Variants in TMEM202 observed in about 807,000 individuals in gnomAD.
TMEM202 encodes transmembrane protein 202.
TMEM202 carries 25 observed loss-of-function variants against 26.1 expected under a neutral mutation model. The observed-to-expected ratio is 0.96, with a 90% confidence interval of 0.70 to 1.34. The LOEUF is 1.34. Among genes scored for constraint, TMEM202 ranks in the 40% most tolerant of loss-of-function variants. The pLI is 0.00. For missense variants in TMEM202, 301 were observed against 327.7 expected, an observed-to-expected ratio of 0.92 and a Z score of 0.63; for synonymous variants, 122 against 119.0, an observed-to-expected ratio of 1.02 and a Z score of -0.16.
In TMEM202 at chr15:72,408,080, C is replaced by T; in HGVS notation, c.*187C>T. 1.8e-6 allele frequency: 1 copy of T among 570,634 alleles called. No individual in the cohort carries two copies. Among genetic ancestry groups the T allele is most frequent in the South Asian group, 2.3e-5 (1 of 43,820 alleles). The allele number at this position is 570,634 out of a possible 1,614,324, so 35.3% of individuals were successfully genotyped here. A position where few individuals can be genotyped will look rare whatever the true frequency, so the allele number is the denominator to read the frequency against. On this transcript the variant is annotated 3_prime_UTR_variant, in exon 5 of 5. Coordinates refer to ENST00000341689, the MANE Select transcript of TMEM202 (RefSeq NM_001080462.3). ...TATATGATAGTCATAAAGTAAATAACTCACTTAAGAAAAACATTTCTAAAA... is the reference window on the plus strand; with the variant it reads ...TATATGATAGTCATAAAGTAAATAATTCACTTAAGAAAAACATTTCTAAAA...
intron 2 of TMEM202, among the ~76,000 whole-genome samples, chr15:72,402,179 A>G (rs1467187769): frequency 6.6e-6 from 1 of 152,032 alleles, no homozygotes; most frequent in East Asian, 1.9e-4. Flanking sequence ...TTAGCCAGGC[A>G]GGTCTTGAAC....
rs183845057 is a variant in TMEM202, at chr15:72,407,768, A to C, written c.697A>C (p.Arg233=). ...AAACGTCACTGTGATTCCAACAGAG[A>C]GATCAAGGCTGGGGGTTGGTCCGGT... The part of the protein sequence containing the change: ...DENVTVIPTE[R]SRLGVGPVTT... The change falls in exon 5 of 5, where the codon AGA becomes CGA. Residue 233 remains arginine (R), a synonymous_variant. Transcript: ENST00000341689. 1.2e-6 allele frequency: 2 copies of C among 1,614,004 alleles called. No individual in the cohort carries two copies. The highest frequency in any genetic ancestry group is 4.5e-5 in the East Asian group (2 of 44,828).
rs572781175 is a variant in TMEM202 at position 72,408,083 on chromosome 15, A to G, written c.*190A>G. 70 of 563,410 alleles carry G rather than the reference A, an allele frequency of 1.2e-4. No homozygotes were observed. Among genetic ancestry groups the G allele is most frequent in the African/African-American group, 1.2e-3 (64 of 53,226 alleles). The allele number at this position is 563,410 out of a possible 1,614,324, so 34.9% of individuals were successfully genotyped here. On this transcript the variant is annotated 3_prime_UTR_variant, in exon 5 of 5. Coordinates refer to ENST00000341689, the MANE Select transcript of TMEM202 (RefSeq NM_001080462.3). ...ATGATAGTCATAAAGTAAATAACTC[A>G]CTTAAGAAAAACATTTCTAAAAGAA...
chr15:72,406,301 G>A (rs546831029), intron 2 of TMEM202, among the ~76,000 whole-genome samples: 10 of 152,086 alleles, frequency 6.6e-5, no homozygotes, highest in African/African-American at 1.7e-4. Context: ...TGTTGAACGC[G>A]TATTACTTAC....
At chr15:72,407,343 C>T in intron 4 of TMEM202, 126 bp downstream of exon 4, 1 of 1,150,248 alleles carries the variant, frequency 8.7e-7, no homozygotes, top group Non-Finnish European at 1.2e-6. Context: ...CTTGGAGAGT[C>T]AGGGGGGCAT....
At chr15:72,407,049 T>C in intron 3 of TMEM202, 37 bp from the exon 4 acceptor site, 2 of 1,608,476 alleles carry the variant, frequency 1.2e-6, no homozygotes, top group Non-Finnish European at 8.5e-7. Context: ...AGACTGAAGA[T>C]GCTGATGGGT....
chr15:72,401,085 A>G (rs1451644449), intron 2 of TMEM202, among the ~76,000 whole-genome samples: 1 of 152,156 alleles, frequency 6.6e-6, no homozygotes, highest in East Asian at 1.9e-4. Flanking sequence ...TTTTGTTGCC[A>G]TCTTGGTTTT....
At chr15:72,398,999 G>T in intron 2 of TMEM202, 91 bp downstream of exon 2, 2 of 1,493,172 alleles carry the variant, frequency 1.3e-6, no homozygotes, top group South Asian at 2.6e-5. Flanking sequence ...CTTCCTCCAA[G>T]ATCTTTTGGC....
intron 4 of TMEM202, 47 bp downstream of exon 4, chr15:72,407,264 G>A (rs755292506): frequency 9.4e-6 from 15 of 1,602,148 alleles, no homozygotes; most frequent in Admixed American, 5.0e-5. Flanking sequence ...TAGGGAAATC[G>A]CTTCTGGAAA....
Position 72,407,738 on chromosome 15 carries a change from G to A in TMEM202, c.667G>A (p.Asp223Asn). The A allele has an allele frequency of 6.2e-7, 1 of 1,613,958 alleles. No individual in the cohort carries two copies. Among genetic ancestry groups the A allele is most frequent in the Non-Finnish European group, 8.5e-7 (1 of 1,179,904 alleles). ...NYLTSRSPACDENVTVIPTER... is the reference protein window; with the variant it reads ...NYLTSRSPACNENVTVIPTER... ...CTTAACTTCCAGATCGCCTGCCTGT[G>A]ATGAAAACGTCACTGTGATTCCAAC... Residue 223 changes from aspartate (D) to asparagine (N), a missense_variant, in exon 5 of 5, where the codon GAT (aspartate) becomes AAT (asparagine). Physicochemically the swap from Asp to Asn is conservative, Grantham distance 23 (BLOSUM62 1). Coordinates refer to ENST00000341689, the MANE Select transcript of TMEM202 (RefSeq NM_001080462.3).
Position 72,407,872 on chromosome 15 carries a change from A to G in TMEM202, c.801A>G (p.Pro267=). Residue 267 remains proline, a synonymous_variant, in exon 5 of 5, where the codon CCA becomes CCG. Coordinates refer to ENST00000341689, the MANE Select transcript of TMEM202 (RefSeq NM_001080462.3). ...ESLSVREKNL[P]KSGLWW ...TAAGTGTGAGAGAGAAAAATTTACC[A>G]AAGTCAGGACTGTGGTGGTGATAGG... 1.2e-6 allele frequency: 2 copies of G among 1,613,798 alleles called. No homozygotes were observed. The highest frequency in any genetic ancestry group is 2.2e-5 in the East Asian group (1 of 44,868).
Position 72,408,364 on chromosome 15 carries a change from C to T in TMEM202, c.*471C>T, listed in dbSNP as rs563085219. Among the ~76,000 whole-genome samples, 1 of 152,200 alleles carries T rather than the reference C, an allele frequency of 6.6e-6. No homozygotes were observed. Among genetic ancestry groups the T allele is most frequent in the South Asian group, 2.1e-4 (1 of 4,828 alleles). Reference sequence around the variant, plus strand: ...GGAATAAATATCAATGGATATAAGACCTACTACTCAAAGGAACTGAGAGGT... The same window carrying T: ...GGAATAAATATCAATGGATATAAGATCTACTACTCAAAGGAACTGAGAGGT... On this transcript the variant is annotated 3_prime_UTR_variant, in exon 5 of 5. Transcript: ENST00000341689.
chr15:72,403,152 C>G (rs2055331285), intron 2 of TMEM202, among the ~76,000 whole-genome samples: 1 of 152,150 alleles, frequency 6.6e-6, no homozygotes, highest in South Asian at 2.1e-4. Context: ...TGAACGTTCT[C>G]ATTTCACTGA....
chr15:72,402,372 A>G (rs1257516241), intron 2 of TMEM202, among the ~76,000 whole-genome samples: 1 of 152,100 alleles, frequency 6.6e-6, no homozygotes, highest in South Asian at 2.1e-4. Context: ...TTCCTTTCAT[A>G]AGTCATTTTC....
At chr15:72,406,848 T>C (rs1362896351) in intron 3 of TMEM202, 97 bp downstream of exon 3, 1 of 1,398,076 alleles carries the variant, frequency 7.2e-7, no homozygotes, top group African/African-American at 1.4e-5. Flanking sequence ...CTTATCTCTT[T>C]GCTCTTCTTC....
In TMEM202 at chr15:72,408,150, A is replaced by C. The variant is rs1025176924; in HGVS notation, c.*257A>C. 18 of 423,990 alleles carry C rather than the reference A, an allele frequency of 4.2e-5. No individual in the cohort carries two copies. The highest frequency in any genetic ancestry group is 6.4e-5 in the Non-Finnish European group (15 of 233,270). The allele number at this position is 423,990 out of a possible 1,614,324, so 26.3% of individuals were successfully genotyped here. On this transcript the variant is annotated 3_prime_UTR_variant, in exon 5 of 5. Coordinates refer to ENST00000341689, the MANE Select transcript of TMEM202 (RefSeq NM_001080462.3). ...GTCATGAATGAAAGAAACTAGTGAA[A>C]GATGCAGTGTGTAGACCAGAGACCT...
intron 3 of TMEM202, 64 bp downstream of exon 3, chr15:72,406,815 T>C (rs2063574109): frequency 1.2e-5 from 19 of 1,541,014 alleles, no homozygotes; most frequent in Non-Finnish European, 1.6e-5. Flanking sequence ...AAATTTTCTC[T>C]GTGGAACTCT....
chr15:72,405,385 C>T (rs1302059209), intron 2 of TMEM202, among the ~76,000 whole-genome samples: 1 of 152,126 alleles, frequency 6.6e-6, no homozygotes, highest in Non-Finnish European at 1.5e-5. Context: ...TCTAAATCTT[C>T]AGTAAAATAT....
At chr15:72,406,872 C>T in intron 3 of TMEM202, 121 bp downstream of exon 3, 5 of 1,248,286 alleles carry the variant, frequency 4.0e-6, no homozygotes, top group Non-Finnish European at 5.6e-6. Flanking sequence ...ATCACACCAA[C>T]TTGCCAGCTA....
Sources: gnomAD v4.1 joint callset for allele counts (sites outside exome capture counted in the v4.1 genomes callset) on GRCh38, gnomAD v4.1.1 for gene constraint, MANE v1.5 for transcripts, NCBI Gene and HGNC (gene_info 2026-07-23, HGNC 2026-07-21) for gene names.